Variants in PDE7B observed in about 807,000 individuals in gnomAD.
PDE7B encodes phosphodiesterase 7B.
In PDE7B, 29 loss-of-function variants were observed where a neutral mutation model predicts 56.2. The ratio of observed to expected loss-of-function variants is 0.52; its 90% confidence interval spans 0.38 to 0.70. The LOEUF (loss-of-function observed/expected upper bound fraction) is 0.70. Among genes scored for constraint, PDE7B ranks in the 30% least tolerant of loss-of-function variants. The pLI, the probability that PDE7B is intolerant of heterozygous loss-of-function variation, is 0.00. For missense variants in PDE7B, 490 were observed against 565.0 expected (o/e 0.87, Z 1.35); for synonymous variants, 197 against 196.9 (o/e 1.00, Z 0.00).
chr6:135,911,356 C>T (rs1314465921), intron 1 of PDE7B, among the ~76,000 whole-genome samples: 3 of 152,184 alleles, frequency 2.0e-5, no homozygotes, highest in African/African-American at 4.8e-5. Flanking sequence ...ACCTTGGCCA[C>T]CACACATCAT....
intron 2 of PDE7B, among the ~76,000 whole-genome samples, chr6:136,101,222 T>C (rs934080732): frequency 6.6e-6 from 1 of 152,186 alleles, no homozygotes; most frequent in African/African-American, 2.4e-5. Flanking sequence ...GGTCCAAAAT[T>C]CTCTTTTTTT....
chr6:136,171,640 TTTTA>T (rs1056637232), intron 8 of PDE7B, among the ~76,000 whole-genome samples: 4 of 152,064 alleles, frequency 2.6e-5, no homozygotes, highest in African/African-American at 9.7e-5. Context: ...TTCACTTTTT[TTTTA>T]TTATTATTAT....
chr6:136,161,430 A>G (rs1364195618), intron 8 of PDE7B, among the ~76,000 whole-genome samples: 1 of 152,184 alleles, frequency 6.6e-6, no homozygotes, highest in Non-Finnish European at 1.5e-5. Context: ...CCTGCTTATT[A>G]TTGCAGTCTT....
Position 135,864,557 on chromosome 6 carries a change from A to G in PDE7B, c.21+12538A>G, listed in dbSNP as rs1009871598. 1.3e-4 allele frequency among the ~76,000 whole-genome samples: 20 copies of G among 152,246 alleles called. 1 individual carries two copies. Among genetic ancestry groups the G allele is most frequent in the Middle Eastern group, 3.4e-3 (1 of 294 alleles). On this transcript the variant is annotated intron_variant, in intron 1 of 12. Transcript: ENST00000308191. ...CTTTTATTGTTTCTGTTGATAAGTC[A>G]GAAAATAGTCTTTTAAAAGCAATCT...
chr6:135,858,306 C>T (rs1343103513), intron 1 of PDE7B, among the ~76,000 whole-genome samples: 2 of 152,044 alleles, frequency 1.3e-5, no homozygotes, highest in African/African-American at 4.8e-5. Flanking sequence ...GCATGCACCA[C>T]CACACCTGGC....
intron 2 of PDE7B, among the ~76,000 whole-genome samples, chr6:135,988,298 T>C (rs1439513861): frequency 2.0e-5 from 3 of 151,936 alleles, no homozygotes; most frequent in African/African-American, 7.3e-5. Flanking sequence ...TAGAAGGAGG[T>C]AGATTTTGGA....
At chr6:135,897,353 T>G (rs980529027) in intron 1 of PDE7B, among the ~76,000 whole-genome samples, 3 of 138,488 alleles carry the variant, frequency 2.2e-5, no homozygotes, top group Non-Finnish European at 4.4e-5. Flanking sequence ...AACTTTCACA[T>G]TTTTTTGAGA....
chr6:135,998,146 A>G (rs1007356888), intron 2 of PDE7B, among the ~76,000 whole-genome samples: 24 of 152,188 alleles, frequency 1.6e-4, no homozygotes, highest in African/African-American at 5.8e-4. Context: ...ATAATTACAT[A>G]ATTATATTTT....
In PDE7B at chr6:136,187,021, T is replaced by C; in HGVS notation, c.1046-15T>C. The C allele has an allele frequency of 7.1e-7, 1 of 1,403,146 alleles. No homozygotes were observed. Among genetic ancestry groups the C allele is most frequent in the Non-Finnish European group, 1.0e-6 (1 of 993,892 alleles). 86.9% of individuals were successfully genotyped at this position (1,403,146 alleles called of 1,614,324 possible). ...GATTACCAATGTGTTTTTTTCTTTCTTTCTTTCTTCTTAGGTGAACTTGAA... is the reference window on the plus strand; with the variant it reads ...GATTACCAATGTGTTTTTTTCTTTCCTTCTTTCTTCTTAGGTGAACTTGAA... On this transcript the variant is annotated splice_polypyrimidine_tract_variant and intron_variant, in intron 11 of 12. Transcript: ENST00000308191.
At chr6:135,954,272 G>C (rs755843679) in intron 2 of PDE7B, among the ~76,000 whole-genome samples, 1 of 152,138 alleles carries the variant, frequency 6.6e-6, no homozygotes, top group African/African-American at 2.4e-5. Context: ...ACATCTAGCT[G>C]CCCAGCCCCT....
At chr6:136,073,529 G>A (rs1015800356) in intron 2 of PDE7B, among the ~76,000 whole-genome samples, 2 of 152,120 alleles carry the variant, frequency 1.3e-5, no homozygotes, top group African/African-American at 4.8e-5. Flanking sequence ...GCTTGTAGAT[G>A]TCACTTCTAT....
chr6:136,016,182 T>C (rs145316058), intron 2 of PDE7B, among the ~76,000 whole-genome samples: 302 of 152,298 alleles, frequency 2.0e-3, no homozygotes, highest in African/African-American at 7.2e-3. Context: ...TCTGGGTCTT[T>C]ATTTTTCTCA....
At chr6:136,035,463 C>T (rs139401986) in intron 2 of PDE7B, among the ~76,000 whole-genome samples, 12 of 152,328 alleles carry the variant, frequency 7.9e-5, no homozygotes, top group Non-Finnish European at 1.5e-4. Flanking sequence ...ATTTCCGAGC[C>T]AAGCTTTCTC....
chr6:135,863,174 A>G (rs1323588180), intron 1 of PDE7B, among the ~76,000 whole-genome samples: 4 of 152,028 alleles, frequency 2.6e-5, no homozygotes, highest in Admixed American at 2.0e-4. Context: ...AGATTTATTC[A>G]TCATATCATT....
intron 2 of PDE7B, among the ~76,000 whole-genome samples, chr6:136,053,855 T>G (rs1776679436): frequency 1.3e-5 from 2 of 152,216 alleles, no homozygotes; most frequent in African/African-American, 4.8e-5. Context: ...CACAAATGTC[T>G]TCTTTTGAGA....
chr6:136,073,778 C>T (rs867995744), intron 2 of PDE7B, among the ~76,000 whole-genome samples: 6 of 152,196 alleles, frequency 3.9e-5, no homozygotes, highest in East Asian at 1.9e-4. Context: ...TCTGGAAATA[C>T]ACCACCACAT....
chr6:136,153,071 C>T (rs1778547933), intron 6 of PDE7B, among the ~76,000 whole-genome samples: 1 of 152,166 alleles, frequency 6.6e-6, no homozygotes, highest in Non-Finnish European at 1.5e-5. Context: ...TATTTGAAAC[C>T]AGCCACAACA....
intron 2 of PDE7B, among the ~76,000 whole-genome samples, chr6:136,092,061 C>T (rs1445737338): frequency 6.6e-6 from 1 of 152,156 alleles, no homozygotes; most frequent in Admixed American, 6.5e-5. Flanking sequence ...CATCCTGTAG[C>T]ATAAAAATTA....
chr6:135,908,110 C>T (rs1298170242), intron 1 of PDE7B, among the ~76,000 whole-genome samples: 3 of 147,952 alleles, frequency 2.0e-5, no homozygotes, highest in Non-Finnish European at 4.5e-5. Context: ...TTTCTTGAGA[C>T]GGAGTTTTGC....
Sources: gnomAD v4.1 joint callset for allele counts (sites outside exome capture counted in the v4.1 genomes callset) on GRCh38, gnomAD v4.1.1 for gene constraint, MANE v1.5 for transcripts, NCBI Gene and HGNC (gene_info 2026-07-23, HGNC 2026-07-21) for gene names.